The following MAFF variants were observed in gnomAD, a reference collection of about 807,000 sequenced individuals.
MAFF encodes MAF bZIP transcription factor F, also known as transcription factor MafF.
In MAFF, 4 loss-of-function variants were observed where a neutral mutation model predicts 2.7. That is an observed-to-expected ratio of 1.48 (90% confidence interval 0.73 to 3.39). The LOEUF is 3.39. MAFF is among the 30% of genes most tolerant of loss of function. MAFF has a pLI of 0.01. For missense variants in MAFF, 190 were observed against 246.6 expected (o/e 0.77, Z 1.54); for synonymous variants, 113 against 119.4 (o/e 0.95, Z 0.35).
At chr22:38,211,936 C>T (rs2091104555) in intron 1 of MAFF, among the ~76,000 whole-genome samples, 1 of 152,204 alleles carries the variant, frequency 6.6e-6, no homozygotes, top group Admixed American at 6.5e-5. Context: ...CGATACGGTA[C>T]GTGTTTATAG....
At position 38,202,488 on chromosome 22, in the gene MAFF, G is replaced by A. The variant is rs1409261456; in HGVS notation, c.-32+276G>A. 1 of 151,808 alleles carries A rather than the reference G, an allele frequency of 6.6e-6. No individual in the cohort carries two copies. Among genetic ancestry groups the A allele is most frequent in the East Asian group, 2.0e-4 (1 of 5,112 alleles). The allele number at this position is 151,808 out of a possible 1,614,324, so 9.4% of individuals were successfully genotyped here. A position where few individuals can be genotyped will look rare whatever the true frequency, so the allele number is the denominator to read the frequency against. ...GGCGCCGGGAGGAAGGGGCAGCGCA[G>A]GCCGGCGATCTCCGCGTCCGCCCGG... On this transcript the variant is annotated intron_variant, in intron 1 of 2. Transcript: ENST00000338483. This position sits in a 1 kb window ranked among gnomAD's most constrained non-coding sequence, Gnocchi z 7.4.
chr22:38,203,792 A>G (rs1381719430), intron 1 of MAFF: 2 of 152,268 alleles, frequency 1.3e-5, no homozygotes, highest in African/African-American at 2.4e-5. Context: ...ACCACTGGGA[A>G]CTAGGTAACA....
intron 1 of MAFF, among the ~76,000 whole-genome samples, chr22:38,210,773 A>G (rs4444637): frequency 0.88 from 133,759 of 152,016 alleles, 58,966 homozygotes; most frequent in African/African-American, 0.93. Flanking sequence ...AAGGATGCCA[A>G]CAGAGGCCAT....
chr22:38,213,916 G>A (rs747445928), intron 2 of MAFF, 27 bp downstream of exon 2: 3 of 1,613,424 alleles, frequency 1.9e-6, no homozygotes, highest in Non-Finnish European at 2.5e-6. Flanking sequence ...TGTCAACCCA[G>A]TGAAGCCCTC....
At chr22:38,207,535 G>T (rs2091062497) in intron 1 of MAFF, among the ~76,000 whole-genome samples, 1 of 142,334 alleles carries the variant, frequency 7.0e-6, no homozygotes, top group Admixed American at 7.5e-5. Context: ...CCATCTCCGG[G>T]TTCACGCCAT....
Position 38,208,222 on chromosome 22 carries a change from C to G in MAFF, c.-31-5601C>G, listed in dbSNP as rs557588826. 6.6e-5 allele frequency among the ~76,000 whole-genome samples: 10 copies of G among 152,328 alleles called. 1 individual carries two copies. The East Asian group carries it at 1.7e-3, about 26-fold the overall frequency. On this transcript the variant is annotated intron_variant, in intron 1 of 2. Transcript: ENST00000338483. Reference sequence around the variant, plus strand: ...CCTCTACAGTGTATACCACTTGATTCCACCAAAACCCTGCGAGGCAGGTAT... The same window carrying G: ...CCTCTACAGTGTATACCACTTGATTGCACCAAAACCCTGCGAGGCAGGTAT...
Position 38,215,052 on chromosome 22 carries a change from G to T in MAFF, c.*174G>T, listed in dbSNP as rs1423336916. 1 of 587,080 alleles carries T rather than the reference G, an allele frequency of 1.7e-6. No individual in the cohort carries two copies. Among genetic ancestry groups the T allele is most frequent in the South Asian group, 2.0e-5 (1 of 49,864 alleles). The allele number at this position is 587,080 out of a possible 1,614,324, so 36.4% of individuals were successfully genotyped here. On this transcript the variant is annotated 3_prime_UTR_variant, in exon 3 of 3. Coordinates refer to ENST00000338483, the MANE Select transcript of MAFF (RefSeq NM_012323.4). ...TCTTGCAGCCCCCCAAACTGGGACCGAATGACCCTGGGAAGGGGAACTTGG... is the reference window on the plus strand; with the variant it reads ...TCTTGCAGCCCCCCAAACTGGGACCTAATGACCCTGGGAAGGGGAACTTGG...
Position 38,216,316 on chromosome 22 carries a change from A to G in MAFF, c.*1438A>G, listed in dbSNP as rs2091149830. On this transcript the variant is annotated 3_prime_UTR_variant, in exon 3 of 3. Transcript: ENST00000338483. Reference sequence around the variant, plus strand: ...CTTAAGCCCAGAAGGCAGAGGTTGTAGTGAGCTGAGATCGCACCACTGCAC... The same window carrying G: ...CTTAAGCCCAGAAGGCAGAGGTTGTGGTGAGCTGAGATCGCACCACTGCAC... 3 of 159,548 alleles carry G rather than the reference A, an allele frequency of 1.9e-5. No homozygotes were observed. 9.9% of individuals were successfully genotyped at this position (159,548 alleles called of 1,614,324 possible). A position where few individuals can be genotyped will look rare whatever the true frequency, so the allele number is the denominator to read the frequency against.
chr22:38,212,270 G>A (rs1316643976), intron 1 of MAFF, among the ~76,000 whole-genome samples: 1 of 152,156 alleles, frequency 6.6e-6, no homozygotes, highest in Non-Finnish European at 1.5e-5. Flanking sequence ...TAAAGTGCTG[G>A]GATTACAGGC....
intron 1 of MAFF, among the ~76,000 whole-genome samples, chr22:38,204,988 G>A (rs930273274): frequency 1.3e-5 from 2 of 152,086 alleles, no homozygotes; most frequent in African/African-American, 2.4e-5. Flanking sequence ...GGCGGTTGTG[G>A]TCATGGTCCA....
Position 38,216,095 on chromosome 22 carries a change from GC to G in MAFF, c.*1219del, listed in dbSNP as rs1402148837. On this transcript the variant is annotated 3_prime_UTR_variant, in exon 3 of 3. Coordinates refer to ENST00000338483, the MANE Select transcript of MAFF (RefSeq NM_012323.4). Reference sequence around the variant, plus strand: ...GAGAGCAACAACAAAAAATGTTTAAGCCGGGCGCGGTGGCTCACATCTGTAA... The same window carrying G: ...GAGAGCAACAACAAAAAATGTTTAAGCGGGCGCGGTGGCTCACATCTGTAA... The G allele has an allele frequency of 6.0e-6, 1 of 166,706 alleles. No homozygotes were observed. The highest frequency in any genetic ancestry group is 1.9e-4 in the East Asian group (1 of 5,210). 10.3% of individuals were successfully genotyped at this position (166,706 alleles called of 1,614,324 possible).
chr22:38,214,406 CCT>C lies in MAFF; in HGVS notation c.37-12_37-11del. The C allele has an allele frequency of 6.3e-7, 1 of 1,575,026 alleles. No homozygotes were observed. The highest frequency in any genetic ancestry group is 1.1e-5 in the South Asian group (1 of 88,130). ...TCCCCAGTCCCCTGGACCTCAGTTT[CCT>C]CATGCCCGCAGATCAAGCGAGAGCT... is the stretch of plus-strand genomic sequence containing the variant. On this transcript the variant is annotated splice_polypyrimidine_tract_variant and intron_variant, in intron 2 of 2. Transcript: ENST00000338483. The surrounding 1 kb of genome is among the most constrained non-coding windows in gnomAD (Gnocchi z 6.3).
chr22:38,213,597 G>C (rs535164600), intron 1 of MAFF: 1 of 641,828 alleles, frequency 1.6e-6, no homozygotes, highest in Non-Finnish European at 2.9e-6. Context: ...ATGATGAGGA[G>C]TCACCATGGG....
chr22:38,206,969 G>C (rs2091056762), intron 1 of MAFF, among the ~76,000 whole-genome samples: 1 of 152,098 alleles, frequency 6.6e-6, no homozygotes, highest in African/African-American at 2.4e-5. Flanking sequence ...ACAAATCCTG[G>C]AGAATCAGAG....
At position 38,215,181 on chromosome 22, in the gene MAFF, T is replaced by G; in HGVS notation, c.*303T>G. 4.9e-5 allele frequency: 16 copies of G among 324,622 alleles called. No individual in the cohort carries two copies. Among genetic ancestry groups the G allele is most frequent in the East Asian group, 1.4e-4 (2 of 14,144 alleles). 20.1% of individuals were successfully genotyped at this position (324,622 alleles called of 1,614,324 possible). A position where few individuals can be genotyped will look rare whatever the true frequency, so the allele number is the denominator to read the frequency against. On this transcript the variant is annotated 3_prime_UTR_variant, in exon 3 of 3. Transcript: ENST00000338483. Reference sequence around the variant, plus strand: ...CAGAGCCGGCTTAGAGAACAGCTGTTGGGGGAGAAGAGGGCACCCCTCATC... The same window carrying G: ...CAGAGCCGGCTTAGAGAACAGCTGTGGGGGGAGAAGAGGGCACCCCTCATC...
intron 1 of MAFF, among the ~76,000 whole-genome samples, chr22:38,210,851 G>A (rs1238720376): frequency 6.6e-6 from 1 of 152,026 alleles, no homozygotes. Context: ...CTTGAGCCAA[G>A]GAGTTCAAGA....
Position 38,214,671 on chromosome 22 carries a change from G to T in MAFF, c.288G>T (p.Glu96Asp). 1 of 1,550,982 alleles carries T rather than the reference G, an allele frequency of 6.4e-7. No homozygotes were observed. ...GCGAGGTGGACAAGCTGGCGCGCGA[G>T]AACGCCGCCATGCGCCTGGAGCTCG... The part of the protein sequence containing the change: ...LEREVDKLAR[E>D]NAAMRLELDA... The change falls in exon 3 of 3, where the codon GAG becomes GAT. Residue 96 changes from glutamate to aspartate, a missense_variant. By Grantham distance (45) the Glu-to-Asp change is conservative. Transcript: ENST00000338483. The surrounding 1 kb of genome is among the most constrained non-coding windows in gnomAD (Gnocchi z 6.3).
intron 1 of MAFF, among the ~76,000 whole-genome samples, chr22:38,211,373 C>G (rs574461163): frequency 6.6e-6 from 1 of 152,030 alleles, no homozygotes; most frequent in African/African-American, 2.4e-5. Context: ...ACTACAGGCA[C>G]GTGCCACCAC....
intron 1 of MAFF, among the ~76,000 whole-genome samples, chr22:38,212,623 G>A (rs1475751102): frequency 1.3e-5 from 2 of 152,196 alleles, no homozygotes; most frequent in Non-Finnish European, 2.9e-5. Context: ...ATTAGGAGAT[G>A]AGAGGCCCTC....
Sources: allele counts gnomAD v4.1 joint callset (sites outside exome capture counted in the v4.1 genomes callset), GRCh38; gene constraint gnomAD v4.1.1; non-coding constraint Gnocchi (gnomAD v3.1); transcripts MANE v1.5; gene names NCBI Gene and HGNC (gene_info 2026-07-23, HGNC 2026-07-21).